Variants in ANXA9 observed in about 807,000 individuals in gnomAD.
The protein encoded by ANXA9 is annexin 31.
Under a neutral mutation model 51.8 loss-of-function variants are expected in ANXA9, and 47 were observed. The observed-to-expected ratio is 0.91, with a 90% CI of 0.72 to 1.16. The LOEUF (loss-of-function observed/expected upper bound fraction) is 1.16. Ranked by LOEUF, ANXA9 falls within the 50% of genes most tolerant of loss-of-function variation. The pLI is 0.00. For synonymous variants in ANXA9, 154 were observed against 168.7 expected (o/e 0.91, Z 0.68); for missense variants, 361 against 424.7 (o/e 0.85, Z 1.32).
chr1:150,990,317 A>C (rs587731025), intron 12 of ANXA9, among the ~76,000 whole-genome samples: 1 of 148,622 alleles, frequency 6.7e-6, no homozygotes, highest in South Asian at 2.1e-4. Context: ...TCTCAAAAAA[A>C]GAAAAAAAGA....
upstream of ANXA9, among the ~76,000 whole-genome samples, chr1:150,981,646 A>G (rs1671417142): frequency 6.6e-6 from 1 of 152,238 alleles, no homozygotes; most frequent in Non-Finnish European, 1.5e-5. Context: ...GCCTTTTGGG[A>G]GCATAGAGCT....
intron 2 of ANXA9, among the ~76,000 whole-genome samples, 158 bp from the exon 3 acceptor site, chr1:150,982,932 C>G (rs1357954711): frequency 6.6e-6 from 1 of 152,022 alleles, no homozygotes; most frequent in Non-Finnish European, 1.5e-5. Flanking sequence ...CATTTCAGCT[C>G]CATTTCTGGC....
intron 12 of ANXA9, among the ~76,000 whole-genome samples, chr1:150,992,079 TTA>T (rs1015610686): frequency 6.0e-4 from 91 of 152,294 alleles, no homozygotes; most frequent in African/African-American, 2.2e-3. Context: ...TATTATTCTT[TTA>T]TGAGAGATAT....
chr1:150,981,514 C>G (rs1671415965), upstream of ANXA9, among the ~76,000 whole-genome samples: 1 of 152,210 alleles, frequency 6.6e-6, no homozygotes, highest in African/African-American at 2.4e-5. Context: ...CAGAGACAGC[C>G]TCAAGTCCAG....
At chr1:150,982,237 T>G (rs1051368025), upstream of ANXA9, 1 of 152,416 alleles carries the variant, frequency 6.6e-6, no homozygotes, top group Admixed American at 6.5e-5. Flanking sequence ...GGTTCGTCCC[T>G]AAGAGAGGTC....
In ANXA9 at chr1:150,986,624, G is replaced by A; in HGVS notation, c.575G>A (p.Gly192Glu). ...LAKGGRDSYS[G>E]IIDYNLAEQD... ...TAGGGGGGCCGTGACAGCTACTCTG[G>A]AATCATTGACTATAATCTGGCAGAA... The change falls in exon 9 of 14, where the codon GGA becomes GAA. Residue 192 changes from glycine to glutamate, a missense_variant. Transcript: ENST00000368947. 2 of 1,603,986 alleles carry A rather than the reference G, an allele frequency of 1.2e-6. No individual in the cohort carries two copies. Among genetic ancestry groups the A allele is most frequent in the Non-Finnish European group, 1.7e-6 (2 of 1,177,274 alleles).
At chr1:150,981,375 C>G (rs1211660722), upstream of ANXA9, among the ~76,000 whole-genome samples, 3 of 152,160 alleles carry the variant, frequency 2.0e-5, no homozygotes, top group Non-Finnish European at 4.4e-5. Context: ...GTGCCCCGCC[C>G]CTACCCAGGC....
At chr1:150,989,151 T>C (rs1558040492) in intron 12 of ANXA9, among the ~76,000 whole-genome samples, 1 of 151,920 alleles carries the variant, frequency 6.6e-6, no homozygotes, top group Non-Finnish European at 1.5e-5. Context: ...TCCTAATTTT[T>C]TGTATTTTTA....
rs1006013151 is a variant in ANXA9 at position 150,982,974 on chromosome 1, G to C, written c.-16-116G>C. 55 of 705,002 alleles carry C rather than the reference G, an allele frequency of 7.8e-5. No homozygotes were observed. In the South Asian group the frequency reaches 8.0e-4, roughly 10 times the overall value. 43.7% of individuals were successfully genotyped at this position (705,002 alleles called of 1,614,324 possible). On this transcript the variant is annotated intron_variant, in intron 2 of 13. Coordinates refer to ENST00000368947, the MANE Select transcript of ANXA9 (RefSeq NM_003568.3). ...CCTAAGCAGGTTGATCTTTTTTTCT[G>C]CAGCAAGGAAAGGAACAGGTGACTG...
chr1:150,990,785 G>A (rs1057453635), intron 12 of ANXA9, among the ~76,000 whole-genome samples: 1 of 152,168 alleles, frequency 6.6e-6, no homozygotes, highest in African/African-American at 2.4e-5. Context: ...AGCAGAGGTT[G>A]CGGTCAGCCG....
At chr1:150,978,110 T>G (rs1671365939), upstream of ANXA9, among the ~76,000 whole-genome samples, 1 of 151,560 alleles carries the variant, frequency 6.6e-6, no homozygotes, top group African/African-American at 2.4e-5. Flanking sequence ...CCCTCCAGCC[T>G]GGCAACAGAG....
upstream of ANXA9, among the ~76,000 whole-genome samples, chr1:150,980,395 CA>C (rs918438224): frequency 3.4e-4 from 46 of 136,038 alleles, no homozygotes; most frequent in East Asian, 1.9e-3. Flanking sequence ...GACTCCGCCT[CA>C]AAAAAAAAAA....
chr1:150,984,386 G>C lies in ANXA9; in HGVS notation c.373G>C (p.Ala125Pro). The C allele has an allele frequency of 6.2e-7, 1 of 1,614,130 alleles. No homozygotes were observed. The highest frequency in any genetic ancestry group is 8.5e-7 in the Non-Finnish European group (1 of 1,179,980). ...AQFDAQELRT[A>P]LKASDSAVDV... ...GTTTGACGCCCAGGAATTGAGGACA[G>C]CTCTGAAGGTAGCAGGAGGGGAGAC... Residue 125 changes from alanine to proline, a missense_variant, in exon 6 of 14, where the codon GCT becomes CCT. Transcript: ENST00000368947.
chr1:150,983,568 C>A (rs1671473006), intron 4 of ANXA9, 134 bp downstream of exon 4: 1 of 861,756 alleles, frequency 1.2e-6, no homozygotes, highest in Non-Finnish European at 1.8e-6. Flanking sequence ...TGTCAGGCGC[C>A]ACAGTAGGTG....
rs377426308 is a variant in ANXA9, at chr1:150,983,163, C to T, written c.58C>T (p.Leu20=). The T allele has an allele frequency of 1.2e-5, 19 of 1,613,998 alleles. No homozygotes were observed. The African/African-American group carries it at 2.4e-4, about 20-fold the overall frequency. Residue 20 remains leucine (L), a synonymous_variant, in exon 3 of 14, where the codon CTG becomes TTG. Transcript: ENST00000368947. The part of the protein sequence containing the change: ...PSLTQEILSH[L]GLASKTAAWG... ...CCTCACCCAGGAGATCCTCAGCCACCTGGGCCTGGCCAGCAAGGTAGGGGC... is the reference window on the plus strand; with the variant it reads ...CCTCACCCAGGAGATCCTCAGCCACTTGGGCCTGGCCAGCAAGGTAGGGGC...
upstream of ANXA9, among the ~76,000 whole-genome samples, chr1:150,981,238 G>A (rs1055029129): frequency 3.3e-5 from 5 of 152,262 alleles, no homozygotes; most frequent in South Asian, 2.1e-4. Flanking sequence ...CGTGTCCTCC[G>A]GCATGGTCTA....
At chr1:150,990,741 G>A (rs1203616259) in intron 12 of ANXA9, among the ~76,000 whole-genome samples, 8 of 152,304 alleles carry the variant, frequency 5.3e-5, no homozygotes, top group Middle Eastern at 3.4e-3. Context: ...TCAGCTACTT[G>A]GGAGGCTGAA....
chr1:150,979,725 A>T (rs140642115), upstream of ANXA9, among the ~76,000 whole-genome samples: 210 of 152,328 alleles, frequency 1.4e-3, no homozygotes, highest in African/African-American at 4.9e-3. Flanking sequence ...GAAGCGAGCC[A>T]AGATCGGAAT....
intron 2 of ANXA9, 104 bp from the exon 3 acceptor site, chr1:150,982,986 G>C (rs1014777884): frequency 2.6e-6 from 2 of 765,326 alleles, no homozygotes; most frequent in African/African-American, 3.5e-5. Flanking sequence ...AGCAAGGAAA[G>C]GAACAGGTGA....
Sources: allele counts gnomAD v4.1 joint callset (sites outside exome capture counted in the v4.1 genomes callset), GRCh38; gene constraint gnomAD v4.1.1; transcripts MANE v1.5; gene names NCBI Gene and HGNC (gene_info 2026-07-23, HGNC 2026-07-21).